Variants in SLCO3A1 observed in about 807,000 individuals in gnomAD.
The protein encoded by SLCO3A1 is solute carrier organic anion transporter family member 3A1, also known as PGE1 transporter.
SLCO3A1 carries 27 observed loss-of-function variants against 63.1 expected under a neutral mutation model. The ratio of observed to expected loss-of-function variants is 0.43; its 90% confidence interval spans 0.32 to 0.59. The LOEUF (loss-of-function observed/expected upper bound fraction) is 0.59, where lower values mean the gene tolerates loss of function less well. SLCO3A1 is among the 20% of genes least tolerant of loss of function. SLCO3A1 has a pLI of 0.09. For synonymous variants in SLCO3A1, 473 were observed against 409.9 expected, an observed-to-expected ratio of 1.15 and a Z score of -1.86; for missense variants, 773 against 945.8, an observed-to-expected ratio of 0.82 and a Z score of 2.40.
At chr15:92,117,019 G>T (rs1165425732) in intron 4 of SLCO3A1, among the ~76,000 whole-genome samples, 1 of 152,196 alleles carries the variant, frequency 6.6e-6, no homozygotes. Context: ...TTAGTTATTA[G>T]ATATTAAGAC....
chr15:92,026,240 A>T (rs1176351930), intron 2 of SLCO3A1, among the ~76,000 whole-genome samples: 2 of 152,126 alleles, frequency 1.3e-5, no homozygotes, highest in African/African-American at 4.8e-5. Context: ...TCCCAATTTG[A>T]CTACTAGATT....
rs180698304 is a variant in SLCO3A1 at position 92,033,365 on chromosome 15, T to A, written c.647-61516T>A. ...ACCCTCCTCTCCTCCAAGAGCAGGG[T>A]AACTTCCTCCTCTTGCATTCTCCCT... On this transcript the variant is annotated intron_variant, in intron 2 of 9. Coordinates refer to ENST00000318445, the MANE Select transcript of SLCO3A1 (RefSeq NM_013272.4). The surrounding 1 kb of genome is among the most constrained non-coding windows in gnomAD (Gnocchi z 4.5). 6.6e-6 allele frequency among the ~76,000 whole-genome samples: 1 copy of A among 152,296 alleles called. No homozygotes were observed. The highest frequency in any genetic ancestry group is 1.9e-4 in the East Asian group (1 of 5,184).
intron 9 of SLCO3A1, chr15:92,161,729 T>G (rs893540327): frequency 1.3e-5 from 2 of 150,620 alleles, no homozygotes; most frequent in Non-Finnish European, 3.0e-5. Flanking sequence ...CCACACACAG[T>G]ATGCCGGCGC....
chr15:91,903,059 G>C (rs767487343), intron 1 of SLCO3A1, among the ~76,000 whole-genome samples: 5 of 152,228 alleles, frequency 3.3e-5, no homozygotes, highest in Non-Finnish European at 5.9e-5. Flanking sequence ...GGCAGGGACT[G>C]TATCTTACTT....
rs916505689 is a variant in SLCO3A1 at position 91,862,762 on chromosome 15, T to G, written c.180+8674T>G. The stretch of plus-strand genomic sequence containing the variant: ...ACAAAACTACAGGAATTTGAGGGAG[T>G]TAGAAGTGATTATTTTTACCGCCAT... On this transcript the variant is annotated intron_variant, in intron 1 of 9. Transcript: ENST00000318445. The surrounding 1 kb of genome is among the most constrained non-coding windows in gnomAD (Gnocchi z 4.0). Among the ~76,000 whole-genome samples, 1 of 151,856 alleles carries G rather than the reference T, an allele frequency of 6.6e-6. No individual in the cohort carries two copies. The highest frequency in any genetic ancestry group is 1.9e-4 in the East Asian group (1 of 5,176).
At chr15:91,876,895 C>T (rs570363794) in intron 1 of SLCO3A1, among the ~76,000 whole-genome samples, 18 of 152,360 alleles carry the variant, frequency 1.2e-4, no homozygotes, top group Non-Finnish European at 2.1e-4. Flanking sequence ...ATTGCCTGCC[C>T]ACACACACTA....
intron 2 of SLCO3A1, among the ~76,000 whole-genome samples, chr15:92,030,931 T>G (rs1019765319): frequency 6.6e-6 from 1 of 151,794 alleles, no homozygotes; most frequent in Non-Finnish European, 1.5e-5. Flanking sequence ...TCCCATTTTG[T>G]TCTTAACTGG....
intron 2 of SLCO3A1, among the ~76,000 whole-genome samples, chr15:91,988,342 A>T (rs1040713140): frequency 6.6e-6 from 1 of 152,236 alleles, no homozygotes; most frequent in Non-Finnish European, 1.5e-5. Flanking sequence ...CCCTGTCGCA[A>T]TCAATCAATA....
rs979631231 is a variant in SLCO3A1 at position 92,163,090 on chromosome 15, C to A, written c.2088C>A (p.Asn696Lys). 4 of 1,540,804 alleles carry A rather than the reference C, an allele frequency of 2.6e-6. No individual in the cohort carries two copies. The African/African-American group carries it at 4.1e-5, about 16-fold the overall frequency. The change falls in exon 10 of 10, where the codon AAC becomes AAA. Residue 696 changes from asparagine (N) to lysine (K), a missense_variant. Asn to Lys is a moderately conservative substitution (Grantham distance 94). Around this residue, in one of 3 missense-constraint regions of SLCO3A1, gnomAD observed 139 missense variants for 131.4 expected, o/e 1.06. Transcript: ENST00000318445. The stretch of plus-strand genomic sequence containing the variant: ...CACATAGGACAAAGTTTATCTATAA[C>A]CTGGAAGACCATGAGTGGTGTGAAA... ...NQTHRTKFIY[N>K]LEDHEWCENM...
chr15:91,983,231 C>A (rs562507288), intron 2 of SLCO3A1, among the ~76,000 whole-genome samples: 1 of 152,224 alleles, frequency 6.6e-6, no homozygotes, highest in Non-Finnish European at 1.5e-5. Context: ...TATCTCATTT[C>A]ATTTTTACAG....
intron 2 of SLCO3A1, among the ~76,000 whole-genome samples, chr15:92,056,392 A>G (rs2047022075): frequency 6.6e-6 from 1 of 152,126 alleles, no homozygotes. Flanking sequence ...TTTGCTTTTC[A>G]GAACCTTAGT....
intron 10 of SLCO3A1, chr15:92,171,577 C>A: frequency 1.9e-6 from 1 of 532,678 alleles, no homozygotes; most frequent in Non-Finnish European, 3.3e-6. Context: ...GGATATTTGG[C>A]CTTCAAAAAA....
intron 2 of SLCO3A1, among the ~76,000 whole-genome samples, chr15:91,997,888 A>T (rs1358600051): frequency 1.7e-4 from 26 of 152,218 alleles, no homozygotes. Flanking sequence ...TAAATGTAGG[A>T]GCTCAAACTA....
rs1898683239 is a variant in SLCO3A1 at position 91,916,962 on chromosome 15, A to G, written c.646+504A>G. ...AATTTTTTCAATAATGGAAGTATGC[A>G]TGGGAATTGGGTATGTAGAGAGAAA... On this transcript the variant is annotated intron_variant, in intron 2 of 9. Transcript: ENST00000318445. The surrounding 1 kb of genome is among the most constrained non-coding windows in gnomAD (Gnocchi z 6.2). 6.6e-6 allele frequency among the ~76,000 whole-genome samples: 1 copy of G among 152,218 alleles called. No individual in the cohort carries two copies. The highest frequency in any genetic ancestry group is 2.4e-5 in the African/African-American group (1 of 41,450).
At chr15:92,153,232 C>T (rs555570399) in intron 9 of SLCO3A1, among the ~76,000 whole-genome samples, 3 of 150,770 alleles carry the variant, frequency 2.0e-5, no homozygotes, top group East Asian at 2.0e-4. Context: ...TGCCTAGATA[C>T]AGCTGAAACA....
intron 7 of SLCO3A1, among the ~76,000 whole-genome samples, chr15:92,145,751 C>T (rs886914): frequency 0.39 from 59,195 of 152,036 alleles, 11,980 homozygotes; most frequent in African/African-American, 0.5. Flanking sequence ...GGTACCCTAA[C>T]TGAACCATTT....
chr15:91,992,511 C>T (rs930972877), intron 2 of SLCO3A1, among the ~76,000 whole-genome samples: 5 of 152,142 alleles, frequency 3.3e-5, no homozygotes, highest in African/African-American at 7.2e-5. Flanking sequence ...AGGGTTAAAA[C>T]GGGAAGCCAG....
chr15:92,031,792 T>G (rs536759808), intron 2 of SLCO3A1, among the ~76,000 whole-genome samples: 1 of 152,230 alleles, frequency 6.6e-6, no homozygotes, highest in Admixed American at 6.5e-5. Flanking sequence ...TTATCCTTTC[T>G]CTGTATTATA....
In SLCO3A1 at chr15:91,967,047, C is replaced by A. The variant is rs1018268556; in HGVS notation, c.646+50589C>A. Among the ~76,000 whole-genome samples, 1 of 151,902 alleles carries A rather than the reference C, an allele frequency of 6.6e-6. No individual in the cohort carries two copies. The highest frequency in any genetic ancestry group is 1.5e-5 in the Non-Finnish European group (1 of 67,984). On this transcript the variant is annotated intron_variant, in intron 2 of 9. Coordinates refer to ENST00000318445, the MANE Select transcript of SLCO3A1 (RefSeq NM_013272.4). This position sits in a 1 kb window ranked among gnomAD's most constrained non-coding sequence, Gnocchi z 4.4. ...ATACAATTTGTATTTTTGAACTCTGCTTTCAGATAACTTTATAAAGGGCTT... is the reference window on the plus strand; with the variant it reads ...ATACAATTTGTATTTTTGAACTCTGATTTCAGATAACTTTATAAAGGGCTT...
Sources: gnomAD v4.1 joint callset for allele counts (sites outside exome capture counted in the v4.1 genomes callset) on GRCh38, gnomAD v4.1.1 for gene constraint, gnomAD v4.1.1 regional missense constraint, Gnocchi (gnomAD v3.1) non-coding constraint, MANE v1.5 for transcripts, NCBI Gene and HGNC (gene_info 2026-07-23, HGNC 2026-07-21) for gene names.